Variants in CXADR observed in about 807,000 individuals in gnomAD.
The protein encoded by CXADR is CXADR cell adhesion molecule.
In CXADR, 20 loss-of-function variants were observed where a neutral mutation model predicts 40.3. The observed-to-expected ratio is 0.50, with a 90% CI of 0.35 to 0.72. The LOEUF (loss-of-function observed/expected upper bound fraction) is 0.72, where lower values mean the gene tolerates loss of function less well. Among genes scored for constraint, CXADR ranks in the 30% least tolerant of loss-of-function variants. The pLI is 0.01. For synonymous variants in CXADR, 150 were observed against 161.3 expected (o/e 0.93, Z 0.53); for missense variants, 332 against 449.1 (o/e 0.74, Z 2.36).
the CXADR span, among the ~76,000 whole-genome samples, chr21:17,634,026 CA>C: frequency 2.6e-5 from 4 of 152,176 alleles, no homozygotes; most frequent in Non-Finnish European, 5.9e-5. Flanking sequence ...GCCCTTACAA[CA>C]ACGTGAGACT....
chr21:17,531,786 GT>G (rs1271553662), intron 1 of CXADR, among the ~76,000 whole-genome samples: 2 of 151,888 alleles, frequency 1.3e-5, no homozygotes, highest in African/African-American at 2.4e-5. Flanking sequence ...TCTCTTTTTG[GT>G]TTTTTAGAGT....
At chr21:17,599,811 T>C in the CXADR span, among the ~76,000 whole-genome samples, 1 of 152,132 alleles carries the variant, frequency 6.6e-6, no homozygotes, top group African/African-American at 2.4e-5. Context: ...ACATATATGC[T>C]AGTAATTCAA....
chr21:17,553,007 C>T (rs1845585), intron 3 of CXADR, among the ~76,000 whole-genome samples: 7,532 of 152,270 alleles, frequency 0.049, 601 homozygotes, highest in African/African-American at 0.17. Context: ...ACTACAGCCT[C>T]TGCTTCCCAG....
intron 1 of CXADR, among the ~76,000 whole-genome samples, chr21:17,526,886 TGAAGAG>T (rs2060604395): frequency 6.6e-6 from 1 of 152,170 alleles, no homozygotes; most frequent in Admixed American, 6.5e-5. Flanking sequence ...TCATGTTAAT[TGAAGAG>T]GAAGAGAAGC....
At chr21:17,610,093 G>A in the CXADR span, among the ~76,000 whole-genome samples, 1 of 152,178 alleles carries the variant, frequency 6.6e-6, no homozygotes, top group Non-Finnish European at 1.5e-5. Flanking sequence ...CATATTGTAC[G>A]ATTCCATTGA....
chr21:17,518,717 T>C, intron 1 of CXADR: 3 of 1,604,928 alleles, frequency 1.9e-6, no homozygotes, highest in Non-Finnish European at 2.6e-6. Flanking sequence ...ATTTCTGTGA[T>C]TGGTTTGGCT....
At chr21:17,532,551 G>A (rs917976909) in intron 1 of CXADR, among the ~76,000 whole-genome samples, 6 of 152,116 alleles carry the variant, frequency 3.9e-5, no homozygotes, top group African/African-American at 9.7e-5. Flanking sequence ...CTAGGACACC[G>A]ATGATGTTCT....
the CXADR span, among the ~76,000 whole-genome samples, chr21:17,603,903 A>C: frequency 1.3e-3 from 194 of 152,294 alleles, no homozygotes; most frequent in Non-Finnish European, 2.2e-3. Context: ...TCAGATAACA[A>C]TGTAATTTGC....
intron 4 of CXADR, 86 bp downstream of exon 4, chr21:17,559,217 C>A: frequency 1.4e-6 from 2 of 1,391,494 alleles, no homozygotes; most frequent in Non-Finnish European, 2.0e-6. Flanking sequence ...GAGATAGGGC[C>A]TTGCTCTGTC....
At chr21:17,618,344 A>G in the CXADR span, among the ~76,000 whole-genome samples, 8 of 152,178 alleles carry the variant, frequency 5.3e-5, no homozygotes, top group Non-Finnish European at 1.2e-4. Context: ...GTCATTCATG[A>G]TAGTTGGAAT....
chr21:17,552,573 T>TTA (rs150661300), intron 3 of CXADR, among the ~76,000 whole-genome samples: 5,439 of 152,276 alleles, frequency 0.036, 327 homozygotes, highest in African/African-American at 0.12. Context: ...ACAAGCACTC[T>TTA]TAATCCCTTC....
chr21:17,608,929 C>G, the CXADR span: 1 of 1,581,876 alleles, frequency 6.3e-7, no homozygotes, highest in Non-Finnish European at 8.6e-7. Flanking sequence ...GAACCCACCT[C>G]AGGGGTTGAT....
At chr21:17,619,845 G>A in the CXADR span, among the ~76,000 whole-genome samples, 1 of 138,216 alleles carries the variant, frequency 7.2e-6, no homozygotes, top group African/African-American at 2.7e-5. Context: ...TATGGAGATG[G>A]CTTTTTTCCA....
chr21:17,627,844 T>C, the CXADR span, among the ~76,000 whole-genome samples: 1 of 152,144 alleles, frequency 6.6e-6, no homozygotes, highest in African/African-American at 2.4e-5. Context: ...AAGACCCAGA[T>C]TGGTAAAAGT....
At chr21:17,524,575 CAAAAAAAAAAAAAA>C (rs71189539) in intron 1 of CXADR, among the ~76,000 whole-genome samples, 3 of 43,826 alleles carry the variant, frequency 6.8e-5, no homozygotes. Context: ...GACTCTATCT[CAAAAAAAAAAAAAA>C]AAAAAAAAAA....
intron 1 of CXADR, among the ~76,000 whole-genome samples, chr21:17,534,019 T>TATATATATATACAC (rs1555864922): frequency 1.2e-5 from 1 of 81,400 alleles, no homozygotes; most frequent in Non-Finnish European, 2.7e-5. Flanking sequence ...TATATATATA[T>TATATATATATACAC]ATATATATAG....
the CXADR span, chr21:17,609,279 G>T: frequency 1.1e-6 from 1 of 900,050 alleles, no homozygotes; most frequent in South Asian, 1.9e-5. Flanking sequence ...TATTTCTTTG[G>T]CTTATATCTG....
At chr21:17,531,401 A>T (rs1396749044) in intron 1 of CXADR, among the ~76,000 whole-genome samples, 2 of 151,674 alleles carry the variant, frequency 1.3e-5, no homozygotes, top group Non-Finnish European at 2.9e-5. Flanking sequence ...TGGATGTGTT[A>T]GTGCCATCTC....
At position 17,565,622 on chromosome 21, in the gene CXADR, C is replaced by CT. The variant is rs1321602663; in HGVS notation, c.1029dup (p.Asn344Ter). 1 of 1,612,466 alleles carries CT rather than the reference C, an allele frequency of 6.2e-7. No individual in the cohort carries two copies. Among genetic ancestry groups the CT allele is most frequent in the African/African-American group, 1.3e-5 (1 of 74,866 alleles). On this transcript the variant is annotated frameshift_variant, in exon 7 of 7. Coordinates refer to ENST00000284878, the MANE Select transcript of CXADR (RefSeq NM_001338.5). LOFTEE classifies it high-confidence loss of function. ...CTCCCACCTGCTAAGGTAGCTGCCCCTAATCTAAGTCGAATGGGTGCGATT... is the reference window on the plus strand; with the variant it reads ...CTCCCACCTGCTAAGGTAGCTGCCCCTTAATCTAAGTCGAATGGGTGCGATT...
Sources: gnomAD v4.1 joint callset for allele counts (sites outside exome capture counted in the v4.1 genomes callset) on GRCh38, gnomAD v4.1.1 for gene constraint, MANE v1.5 for transcripts, NCBI Gene and HGNC (gene_info 2026-07-23, HGNC 2026-07-21) for gene names.